Variants in PACRG observed in about 807,000 individuals in gnomAD.
PACRG encodes the protein parkin coregulated.
A neutral mutation model predicts 29.7 loss-of-function variants in PACRG; 29 were observed. The observed-to-expected ratio is 0.98, with a 90% CI of 0.73 to 1.33. The LOEUF is 1.33. PACRG is among the 40% of genes most tolerant of loss of function. The pLI, the probability that PACRG is intolerant of heterozygous loss-of-function variation, is 0.00. For synonymous variants in PACRG, 116 were observed against 118.7 expected (o/e 0.98, Z 0.15); for missense variants, 279 against 316.2 (o/e 0.88, Z 0.89).
At chr6:163,299,079 C>G (rs997698066) in intron 4 of PACRG, among the ~76,000 whole-genome samples, 1 of 152,194 alleles carries the variant, frequency 6.6e-6, no homozygotes, top group Non-Finnish European at 1.5e-5. Flanking sequence ...TGTGAGCCCC[C>G]TAGTCTACAT....
intron 1 of PACRG, among the ~76,000 whole-genome samples, chr6:162,757,234 T>A (rs1273316165): frequency 5.3e-5 from 8 of 152,214 alleles, no homozygotes; most frequent in African/African-American, 1.9e-4. Flanking sequence ...GTTTGTGAAT[T>A]TTATATTTGT....
chr6:162,942,583 G>A (rs1177242962), intron 2 of PACRG, among the ~76,000 whole-genome samples: 2 of 151,980 alleles, frequency 1.3e-5, no homozygotes, highest in African/African-American at 4.8e-5. Flanking sequence ...CTTTCTGTAT[G>A]TTCCAGTTCT....
intron 4 of PACRG, among the ~76,000 whole-genome samples, chr6:163,197,434 C>CTTTTTTTTTTTTTTT (rs57942658): frequency 7.5e-5 from 8 of 106,282 alleles, no homozygotes; most frequent in African/African-American, 1.4e-4. Flanking sequence ...CTTTTCTTTT[C>CTTTTTTTTTTTTTTT]TTTTTTTTTT....
intron 4 of PACRG, among the ~76,000 whole-genome samples, chr6:163,167,141 C>T (rs1160369829): frequency 6.6e-6 from 1 of 152,192 alleles, no homozygotes; most frequent in African/African-American, 2.4e-5. Flanking sequence ...AGCTGTTGTT[C>T]CAGTTTGCTG....
chr6:162,846,230 C>T (rs992842021), intron 2 of PACRG, among the ~76,000 whole-genome samples: 3 of 152,162 alleles, frequency 2.0e-5, no homozygotes, highest in Admixed American at 1.3e-4. Context: ...CTGCCAGACT[C>T]AGTCACCGCT....
At chr6:163,202,587 G>C (rs9458749) in intron 4 of PACRG, among the ~76,000 whole-genome samples, 1 of 152,098 alleles carries the variant, frequency 6.6e-6, no homozygotes, top group African/African-American at 2.4e-5. Context: ...AGGATTCTCT[G>C]TTCTCAGAGT....
In PACRG at chr6:163,310,024, T is replaced by G. The variant is rs570810587; in HGVS notation, c.614-4803T>G. 3 of 152,366 alleles carry G rather than the reference T, an allele frequency of 2.0e-5. 1 individual carries two copies. The highest frequency in any genetic ancestry group is 7.2e-5 in the African/African-American group (3 of 41,586). 9.4% of individuals were successfully genotyped at this position (152,366 alleles called of 1,614,324 possible). A position where few individuals can be genotyped will look rare whatever the true frequency, so the allele number is the denominator to read the frequency against. On this transcript the variant is annotated intron_variant, in intron 4 of 4. Coordinates refer to ENST00000366888, the MANE Select transcript of PACRG (RefSeq NM_001080379.2). ...AAGGAAACATTTATTTGTTTAATTT[T>G]TCCAGTGCCTTCAATAAGGCTTTCA...
chr6:162,949,372 C>A (rs562691841), intron 2 of PACRG, among the ~76,000 whole-genome samples: 1 of 152,054 alleles, frequency 6.6e-6, no homozygotes, highest in Admixed American at 6.5e-5. Flanking sequence ...GGTAGTTGGG[C>A]AGGAATGAAG....
At chr6:162,882,732 C>T (rs921549304) in intron 2 of PACRG, among the ~76,000 whole-genome samples, 15 of 152,164 alleles carry the variant, frequency 9.9e-5, no homozygotes, top group African/African-American at 3.6e-4. Flanking sequence ...TATGCATCCC[C>T]CAACTCCATC....
intron 3 of PACRG, among the ~76,000 whole-genome samples, chr6:163,071,870 A>G (rs76292115): frequency 0.021 from 3,168 of 151,852 alleles, 122 homozygotes; most frequent in African/African-American, 0.072. Flanking sequence ...AAACCTACCT[A>G]GGTTGAATCA....
At chr6:163,108,392 CTTT>C (rs528887997) in intron 4 of PACRG, among the ~76,000 whole-genome samples, 2,251 of 90,502 alleles carry the variant, frequency 0.025, 5 homozygotes, top group Non-Finnish European at 0.029. Context: ...TTCTCTTTCC[CTTT>C]TTTTTTTTTT....
chr6:163,050,169 G>A (rs1023222699), intron 2 of PACRG, among the ~76,000 whole-genome samples: 6 of 151,916 alleles, frequency 3.9e-5, no homozygotes, highest in African/African-American at 1.5e-4. Context: ...GGGACCAGGA[G>A]GATATTTACC....
chr6:163,140,871 A>G (rs2128334322), intron 4 of PACRG, among the ~76,000 whole-genome samples: 1 of 152,336 alleles, frequency 6.6e-6, no homozygotes, highest in East Asian at 1.9e-4. Flanking sequence ...AGAACAAATG[A>G]TAAATTGGGT....
chr6:162,773,313 G>C (rs1783365449), intron 1 of PACRG, among the ~76,000 whole-genome samples: 1 of 151,960 alleles, frequency 6.6e-6, no homozygotes, highest in African/African-American at 2.4e-5. Flanking sequence ...ATTCTGTCAT[G>C]GTTTTCATAA....
intron 2 of PACRG, among the ~76,000 whole-genome samples, chr6:163,036,539 T>C (rs1252668974): frequency 1.3e-5 from 2 of 152,190 alleles, no homozygotes; most frequent in Non-Finnish European, 2.9e-5. Context: ...CTAAATAAGT[T>C]AGGATTGATG....
intron 2 of PACRG, among the ~76,000 whole-genome samples, chr6:162,896,492 A>G (rs1295876912): frequency 6.6e-6 from 1 of 152,242 alleles, no homozygotes; most frequent in African/African-American, 2.4e-5. Flanking sequence ...GAGGAGAAAC[A>G]AGATTGGAAA....
At chr6:163,272,955 G>A (rs1246643165) in intron 4 of PACRG, among the ~76,000 whole-genome samples, 1 of 133,344 alleles carries the variant, frequency 7.5e-6, no homozygotes, top group Non-Finnish European at 1.6e-5. Flanking sequence ...GCAGTGGCGG[G>A]ATCTCGGCTC....
At chr6:163,111,930 T>G (rs1815738218) in intron 4 of PACRG, 1 of 394,926 alleles carries the variant, frequency 2.5e-6, no homozygotes, top group South Asian at 1.1e-4. Context: ...GGCACTCATT[T>G]TAAGAAATTA....
chr6:163,277,498 C>T (rs62428013), intron 4 of PACRG, among the ~76,000 whole-genome samples: 7 of 59,824 alleles, frequency 1.2e-4, no homozygotes, highest in African/African-American at 2.4e-4. Flanking sequence ...TATATATACA[C>T]ACATACACAC....
Sources: allele counts gnomAD v4.1 joint callset (sites outside exome capture counted in the v4.1 genomes callset), GRCh38; gene constraint gnomAD v4.1.1; transcripts MANE v1.5; gene names NCBI Gene and HGNC (gene_info 2026-07-23, HGNC 2026-07-21).